The following HOMER2 variants were observed in gnomAD, a reference collection of about 807,000 sequenced individuals.
HOMER2 encodes homer protein homolog 2.
HOMER2 carries 27 observed loss-of-function variants against 47.0 expected under a neutral mutation model. The observed-to-expected ratio is 0.57, with a 90% CI of 0.42 to 0.79. The LOEUF (loss-of-function observed/expected upper bound fraction) is 0.79, where lower values mean the gene tolerates loss of function less well. Among genes scored for constraint, HOMER2 ranks in the 30% least tolerant of loss-of-function variants. HOMER2 has a pLI of 0.00. For synonymous variants in HOMER2, 161 were observed against 163.8 expected, an observed-to-expected ratio of 0.98 and a Z score of 0.13; for missense variants, 443 against 435.0, an observed-to-expected ratio of 1.02 and a Z score of -0.16.
chr15:82,905,006 T>C (rs1397957001), intron 1 of HOMER2, among the ~76,000 whole-genome samples: 1 of 152,162 alleles, frequency 6.6e-6, no homozygotes, highest in Non-Finnish European at 1.5e-5. Context: ...ATGATTAATA[T>C]GCTAAGGGCT....
At chr15:82,845,790 T>A (rs1045493217), downstream of HOMER2, 2 of 152,244 alleles carry the variant, frequency 1.3e-5, no homozygotes, top group Non-Finnish European at 2.9e-5. Context: ...CAGCGCGTCC[T>A]GTGGTTGGCT....
chr15:82,927,163 C>G (rs1464795434), intron 1 of HOMER2, among the ~76,000 whole-genome samples: 1 of 151,892 alleles, frequency 6.6e-6, no homozygotes, highest in Non-Finnish European at 1.5e-5. Context: ...CCAGCCCAGC[C>G]CATACTCCCA....
At position 82,928,019 on chromosome 15, in the gene HOMER2, C is replaced by G. The variant is rs189953691; in HGVS notation, c.5+24512G>C. Among the ~76,000 whole-genome samples, 858 of 151,976 alleles carry G rather than the reference C, an allele frequency of 5.6e-3. 4 individuals carry two copies. Among genetic ancestry groups the G allele is most frequent in the Non-Finnish European group, 7.1e-3 (483 of 67,988 alleles). On this transcript the variant is annotated intron_variant, in intron 1 of 8. Coordinates refer to ENST00000450735, the MANE Select transcript of HOMER2 (RefSeq NM_004839.4). The stretch of plus-strand genomic sequence containing the variant: ...AAGTGCACCGCTAGGCTACTTCTGC[C>G]CCTCCACGGCAGCATGACTGCCCAT...
At chr15:82,835,825 A>G (rs1237646741), downstream of HOMER2, 1 of 152,244 alleles carries the variant, frequency 6.6e-6, no homozygotes, top group Non-Finnish European at 1.5e-5. Flanking sequence ...CTCCTTCCCC[A>G]CCACAGACAG....
chr15:82,855,119 T>G (rs559340402), intron 5 of HOMER2, among the ~76,000 whole-genome samples: 24 of 151,796 alleles, frequency 1.6e-4, no homozygotes, highest in Admixed American at 1.1e-3. Context: ...GGCGGATCAC[T>G]AGGTCAAGAA....
intron 5 of HOMER2, among the ~76,000 whole-genome samples, chr15:82,856,260 A>G (rs1389664543): frequency 6.6e-6 from 1 of 152,162 alleles, no homozygotes; most frequent in Non-Finnish European, 1.5e-5. Flanking sequence ...ATTTGAAAAC[A>G]TTTATTTTTA....
chr15:82,871,547 T>A (rs1350143627), intron 3 of HOMER2, among the ~76,000 whole-genome samples: 2 of 152,178 alleles, frequency 1.3e-5, no homozygotes, highest in African/African-American at 2.4e-5. Context: ...GGTTAATCAT[T>A]TCCTTCAGAG....
chr15:82,836,349 G>A (rs1364834259), downstream of HOMER2, among the ~76,000 whole-genome samples: 1 of 152,206 alleles, frequency 6.6e-6, no homozygotes, highest in African/African-American at 2.4e-5. Flanking sequence ...ACACAGGAAG[G>A]GCAGCCCCTC....
At chr15:82,858,261 C>T (rs1192368181) in intron 5 of HOMER2, among the ~76,000 whole-genome samples, 1 of 152,014 alleles carries the variant, frequency 6.6e-6, no homozygotes, top group Non-Finnish European at 1.5e-5. Flanking sequence ...TATGTTTTCA[C>T]ATGCGTTTCT....
intron 1 of HOMER2, among the ~76,000 whole-genome samples, chr15:82,984,035 AT>A (rs1314984974): frequency 0.013 from 1,880 of 145,638 alleles, 11 homozygotes; most frequent in Non-Finnish European, 0.018. Context: ...TATTATTATT[AT>A]TTTTTTTTTT....
chr15:82,955,172 T>C (rs1222855106), upstream of HOMER2, among the ~76,000 whole-genome samples: 2 of 124,276 alleles, frequency 1.6e-5, no homozygotes, highest in Non-Finnish European at 3.3e-5. Flanking sequence ...TTTCTTTTTC[T>C]TTTTTTTTTT....
chr15:82,844,657 T>TA (rs1195629082), downstream of HOMER2: 2 of 152,116 alleles, frequency 1.3e-5, no homozygotes, highest in African/African-American at 2.4e-5. Context: ...GGAATTTCTT[T>TA]AAAAAAAGTA....
At chr15:82,844,737 C>A (rs2151586799), downstream of HOMER2, 1 of 152,304 alleles carries the variant, frequency 6.6e-6, no homozygotes, top group East Asian at 1.9e-4. Flanking sequence ...GGAGAGTTCA[C>A]TTATCCACTC....
chr15:82,845,521 A>G (rs905477973), downstream of HOMER2: 2 of 152,202 alleles, frequency 1.3e-5, no homozygotes, highest in African/African-American at 4.8e-5. Context: ...GGGTCCTTTT[A>G]AAGCATGCAT....
At position 82,858,324 on chromosome 15, in the gene HOMER2, C is replaced by T. The variant is rs187886718; in HGVS notation, c.494+705G>A. 2.3e-3 allele frequency among the ~76,000 whole-genome samples: 344 copies of T among 151,978 alleles called. 1 individual carries two copies. The highest frequency in any genetic ancestry group is 7.5e-3 in the Admixed American group (114 of 15,270). ...TTTTTTTTGAGACAAGAGTCTCACT[C>T]TGTCATCCAAGCTGGAGTGTGGTGG... On this transcript the variant is annotated intron_variant, in intron 5 of 8. Coordinates refer to ENST00000450735, the MANE Select transcript of HOMER2 (RefSeq NM_004839.4).
intron 2 of HOMER2, among the ~76,000 whole-genome samples, chr15:82,890,257 G>A (rs1295353439): frequency 1.3e-5 from 2 of 152,144 alleles, no homozygotes; most frequent in African/African-American, 2.4e-5. Flanking sequence ...TGGGAGAATC[G>A]CTTGATCCTG....
intron 1 of HOMER2, among the ~76,000 whole-genome samples, chr15:82,967,691 T>C (rs750391652): frequency 9.9e-5 from 15 of 152,162 alleles, no homozygotes; most frequent in Non-Finnish European, 1.8e-4. Context: ...CTGGCCAATA[T>C]GGTGAAACCC....
chr15:82,976,795 G>A (rs889794035), intron 1 of HOMER2, among the ~76,000 whole-genome samples: 2 of 147,978 alleles, frequency 1.4e-5, no homozygotes, highest in African/African-American at 5.0e-5. Flanking sequence ...TTCTGCCTCA[G>A]CCTCCCAAGT....
intron 1 of HOMER2, among the ~76,000 whole-genome samples, chr15:82,952,250 G>C (rs1257841116): frequency 6.6e-6 from 1 of 152,242 alleles, no homozygotes; most frequent in East Asian, 1.9e-4. Flanking sequence ...GCCGGCCAGG[G>C]CACCGGTCCC....
Sources: allele counts gnomAD v4.1 joint callset (sites outside exome capture counted in the v4.1 genomes callset), GRCh38; gene constraint gnomAD v4.1.1; transcripts MANE v1.5; gene names NCBI Gene and HGNC (gene_info 2026-07-23, HGNC 2026-07-21).